DYNC2I1: variants seen among roughly 807,000 people sequenced by gnomAD.
DYNC2I1 encodes the protein dynein 2 intermediate chain 1, also known as cytoplasmic dynein 2 intermediate chain 1.
Under a neutral mutation model 133.4 loss-of-function variants are expected in DYNC2I1, and 89 were observed. That is an observed-to-expected ratio of 0.67 (90% CI 0.56 to 0.80). The LOEUF is 0.80. Ranked by LOEUF, DYNC2I1 falls within the 30% of genes least tolerant of loss-of-function variation. The pLI is 0.00. For synonymous variants in DYNC2I1, 504 were observed against 484.3 expected (o/e 1.04, Z -0.54); for missense variants, 1,291 against 1,314.5 (o/e 0.98, Z 0.28).
intron 2 of DYNC2I1, 75 bp from the exon 3 acceptor site, chr7:158,871,067 T>C (rs1438763557): frequency 6.7e-7 from 1 of 1,486,534 alleles, no homozygotes; most frequent in Non-Finnish European, 9.0e-7. Flanking sequence ...TGTGTGCTTC[T>C]CACATTCAGG....
chr7:158,942,247 T>C (rs1023298618), intron 24 of DYNC2I1, 99 bp downstream of exon 24: 16 of 896,218 alleles, frequency 1.8e-5, no homozygotes, highest in Non-Finnish European at 2.3e-5. Flanking sequence ...ATGAGGCTGC[T>C]ACATTTTAAG....
downstream of DYNC2I1, among the ~76,000 whole-genome samples, chr7:158,947,663 C>G (rs148526195): frequency 1.3e-3 from 196 of 152,338 alleles, 1 homozygote; most frequent in African/African-American, 4.4e-3. Context: ...GGAGGACCAT[C>G]TGCAGCTCAG....
At chr7:158,953,410 A>G (rs532046552) in intron 4 of DYNC2I1, among the ~76,000 whole-genome samples, 5 of 152,368 alleles carry the variant, frequency 3.3e-5, no homozygotes, top group South Asian at 4.1e-4. Flanking sequence ...TCTCTTAAAT[A>G]TGATGGTATT....
downstream of DYNC2I1, among the ~76,000 whole-genome samples, chr7:158,948,781 G>A (rs1196097578): frequency 6.6e-6 from 1 of 152,314 alleles, no homozygotes; most frequent in South Asian, 2.1e-4. Context: ...TCCAGTCGCG[G>A]CTGTGGTTTA....
chr7:158,883,220 T>G (rs1844227044), intron 5 of DYNC2I1, among the ~76,000 whole-genome samples: 1 of 127,156 alleles, frequency 7.9e-6, no homozygotes, highest in Admixed American at 7.9e-5. Flanking sequence ...TTCTTCTTCT[T>G]TTTTTTTTTT....
intron 17 of DYNC2I1, among the ~76,000 whole-genome samples, chr7:158,925,894 C>CA (rs1849564757): frequency 1.3e-5 from 2 of 152,132 alleles, no homozygotes; most frequent in Non-Finnish European, 2.9e-5. Flanking sequence ...TTCTTTCGGG[C>CA]TGTGTGGCAT....
intron 3 of DYNC2I1, among the ~76,000 whole-genome samples, 166 bp from the exon 4 acceptor site, chr7:158,876,443 A>G (rs1843364328): frequency 6.6e-6 from 1 of 152,216 alleles, no homozygotes; most frequent in African/African-American, 2.4e-5. Flanking sequence ...ATTTGATACT[A>G]GAACTCTTCA....
intron 1 of DYNC2I1, among the ~76,000 whole-genome samples, chr7:158,866,963 A>G (rs73527676): frequency 0.02 from 3,097 of 151,172 alleles, 101 homozygotes; most frequent in African/African-American, 0.07. Context: ...CATTCCAGGA[A>G]GAGTTTTAGT....
chr7:158,862,329 C>CA (rs1201861880), intron 1 of DYNC2I1, among the ~76,000 whole-genome samples: 10 of 152,062 alleles, frequency 6.6e-5, no homozygotes, highest in Admixed American at 3.3e-4. Context: ...AATACTTTGT[C>CA]AAGTACTGGT....
the DYNC2I1 span, among the ~76,000 whole-genome samples, chr7:158,844,682 G>A: frequency 1.2e-4 from 18 of 152,086 alleles, no homozygotes; most frequent in African/African-American, 3.6e-4. Flanking sequence ...GAGTGCAATG[G>A]TGCAATCTTG....
At chr7:158,863,079 G>A (rs1363403735) in intron 1 of DYNC2I1, among the ~76,000 whole-genome samples, 2 of 145,394 alleles carry the variant, frequency 1.4e-5, no homozygotes, top group Non-Finnish European at 3.0e-5. Context: ...AGCTTCCACA[G>A]TGTGGAAGGG....
At chr7:158,936,696 C>G (rs1038527680) in intron 23 of DYNC2I1, among the ~76,000 whole-genome samples, 1 of 152,326 alleles carries the variant, frequency 6.6e-6, no homozygotes, top group African/African-American at 2.4e-5. Context: ...ATCAGAGTGG[C>G]CGCTCATAGC....
chr7:158,929,306 G>A (rs910214275), intron 20 of DYNC2I1, among the ~76,000 whole-genome samples: 2 of 152,284 alleles, frequency 1.3e-5, no homozygotes, highest in African/African-American at 4.8e-5. Context: ...AGTCCTAGGT[G>A]CCAGGAGACC....
intron 4 of DYNC2I1, among the ~76,000 whole-genome samples, chr7:158,954,785 C>A (rs1055146611): frequency 1.3e-5 from 2 of 152,186 alleles, no homozygotes; most frequent in Admixed American, 1.3e-4. Context: ...TATAGCATTT[C>A]TAGAGTCTTT....
At chr7:158,945,000 A>G (rs1851735440) in intron 24 of DYNC2I1, among the ~76,000 whole-genome samples, 1 of 152,008 alleles carries the variant, frequency 6.6e-6, no homozygotes, top group African/African-American at 2.4e-5. Flanking sequence ...TCAGGAGAGG[A>G]TTAGAGCTGG....
In DYNC2I1 at chr7:158,926,209, C is replaced by A. The variant is rs754567890; in HGVS notation, c.2280C>A (p.Asn760Lys). 5 of 1,613,368 alleles carry A rather than the reference C, an allele frequency of 3.1e-6. No homozygotes were observed. Among genetic ancestry groups the A allele is most frequent in the South Asian group, 1.1e-5 (1 of 90,808 alleles). ...FSTDGILTSV[N>K]HRSPLQAVEP... is the part of the protein sequence containing the mutation. ...CAGATGGAATCCTTACCTCAGTAAA[C>A]CACCGAAGCCCTCTTCAAGCAGTAG... Residue 760 changes from asparagine to lysine, a missense_variant, in exon 18 of 25, where the codon AAC becomes AAA. Transcript: ENST00000407559.
In DYNC2I1 at chr7:158,916,347, A is replaced by T. The variant is rs866457020; in HGVS notation, c.1791+2026A>T. 4.2e-5 allele frequency among the ~76,000 whole-genome samples: 4 copies of T among 94,616 alleles called. No homozygotes were observed. The East Asian group carries it at 7.2e-4, about 17-fold the overall frequency. The allele number at this position is 94,616 out of a possible 152,430, so 62.1% of individuals were successfully genotyped here. A position where few individuals can be genotyped will look rare whatever the true frequency, so the allele number is the denominator to read the frequency against. On this transcript the variant is annotated intron_variant, in intron 14 of 24. Coordinates refer to ENST00000407559, the MANE Select transcript of DYNC2I1 (RefSeq NM_018051.5). ...AAACGTCTACACGCTGGTTGACATT[A>T]AGGATGATTGTGAAACGTCGACACG...
chr7:158,916,219 C>T (rs1333725740), intron 14 of DYNC2I1, among the ~76,000 whole-genome samples: 9 of 78,390 alleles, frequency 1.1e-4, no homozygotes, highest in South Asian at 3.6e-4. Context: ...AACGTCTACA[C>T]GCTGGTTGAC....
intron 5 of DYNC2I1, among the ~76,000 whole-genome samples, chr7:158,880,464 G>A (rs1411682672): frequency 6.6e-6 from 1 of 152,108 alleles, no homozygotes; most frequent in African/African-American, 2.4e-5. Context: ...TGGAATCTGG[G>A]AAGGAGAATT....
Sources: allele counts gnomAD v4.1 joint callset (sites outside exome capture counted in the v4.1 genomes callset), GRCh38; gene constraint gnomAD v4.1.1; transcripts MANE v1.5; gene names NCBI Gene and HGNC (gene_info 2026-07-23, HGNC 2026-07-21).